Variants in CCT4 observed in about 807,000 individuals in gnomAD.
The protein encoded by CCT4 is T-complex protein 1 subunit delta.
A neutral mutation model predicts 62.5 loss-of-function variants in CCT4; 17 were observed. The observed-to-expected ratio is 0.27, with a 90% CI of 0.19 to 0.41. The LOEUF (loss-of-function observed/expected upper bound fraction) is 0.41, where lower values mean the gene tolerates loss of function less well. Ranked by LOEUF, CCT4 falls within the 10% of genes least tolerant of loss-of-function variation. The probability of loss-of-function intolerance (pLI) is 1.00; values close to 1 mark genes in which losing one functional copy is unlikely to be tolerated. For synonymous variants in CCT4, 250 were observed against 229.9 expected (o/e 1.09, Z -0.79); for missense variants, 592 against 659.2 (o/e 0.90, Z 1.12).
At chr2:61,872,674 AC>A in intron 10 of CCT4, 86 bp from the exon 11 acceptor site, 1 of 1,384,716 alleles carries the variant, frequency 7.2e-7, no homozygotes, top group Non-Finnish European at 1.0e-6. Context: ...ACGCCTGTAA[AC>A]CCAACACTTT....
At chr2:61,876,291 A>C (rs550615026) in intron 7 of CCT4, 57 bp from the exon 8 acceptor site, 18 of 1,384,924 alleles carry the variant, frequency 1.3e-5, no homozygotes, top group Non-Finnish European at 1.8e-5. Context: ...GTTTAAAAGT[A>C]GAATTTTAAG....
At chr2:61,869,698 C>T in intron 12 of CCT4, 145 bp from the exon 13 acceptor site, 1 of 595,036 alleles carries the variant, frequency 1.7e-6, no homozygotes, top group Non-Finnish European at 3.1e-6. Context: ...CTAAGCTTTT[C>T]TCTACACTGT....
intron 2 of CCT4, among the ~76,000 whole-genome samples, chr2:61,884,182 T>C (rs774454064): frequency 1.3e-5 from 2 of 152,200 alleles, no homozygotes; most frequent in South Asian, 2.1e-4. Context: ...ATAATAGATA[T>C]CTATATTTGG....
chr2:61,870,320 C>A (rs111540076), intron 12 of CCT4, among the ~76,000 whole-genome samples: 1 of 152,104 alleles, frequency 6.6e-6, no homozygotes, highest in African/African-American at 2.4e-5. Flanking sequence ...ATGTTTAAAT[C>A]ATCTCTGAAT....
chr2:61,883,143 G>T (rs1335753969), intron 3 of CCT4, among the ~76,000 whole-genome samples: 1 of 152,082 alleles, frequency 6.6e-6, no homozygotes, highest in East Asian at 1.9e-4. Context: ...GACTCATCTG[G>T]CCGGGCGCAG....
rs528619072 is a variant in CCT4, at chr2:61,878,947, C to G, written c.444G>C (p.Leu148Phe). Residue 148 changes from leucine to phenylalanine, a missense_variant, in exon 5 of 14, where the codon TTG becomes TTC. Coordinates refer to ENST00000394440, the MANE Select transcript of CCT4 (RefSeq NM_006430.4). ...GTTCCACAGGTCGAGACATGTCAGT[C>G]AAGATTTCAATGCCCTTTTCCAGGG... ...QKALEKGIEI[L>F]TDMSRPVELS... The G allele has an allele frequency of 1.2e-6, 2 of 1,611,110 alleles. No homozygotes were observed. Among genetic ancestry groups the G allele is most frequent in the Non-Finnish European group, 1.7e-6 (2 of 1,178,164 alleles).
chr2:61,883,145 C>T (rs967112002), intron 3 of CCT4, among the ~76,000 whole-genome samples: 3 of 151,992 alleles, frequency 2.0e-5, no homozygotes, highest in Non-Finnish European at 1.5e-5. Flanking sequence ...CTCATCTGGC[C>T]GGGCGCAGTA....
chr2:61,876,444 C>T lies in CCT4; in HGVS notation c.778-210G>A, dbSNP rs1572919011. ...TTCAACTAAGTACACTGGTATCTTA[C>T]ATTTTGCAAGTAAATTTTTTATAAC... On this transcript the variant is annotated intron_variant, in intron 7 of 13. Transcript: ENST00000394440. 3.3e-5 allele frequency among the ~76,000 whole-genome samples: 5 copies of T among 152,248 alleles called. No individual in the cohort carries two copies. In the South Asian group the frequency reaches 1.0e-3, roughly 32 times the overall value.
At chr2:61,879,438 T>C (rs34788015) in intron 4 of CCT4, among the ~76,000 whole-genome samples, 1 of 126,224 alleles carries the variant, frequency 7.9e-6, no homozygotes, top group Non-Finnish European at 1.7e-5. Context: ...ATTTTTTTTG[T>C]ATTTTTTTTT....
intron 1 of CCT4, chr2:61,885,763 C>CTTCCTTCAGATGTCAAAATGGTACA (rs56289323): frequency 0.16 from 24,493 of 151,764 alleles, 2,550 homozygotes; most frequent in Middle Eastern, 0.28. Context: ...TTCATCTCAT[C>CTTCCTTCAGATGTCAAAATGGTACA]TTCCTTCAGA....
At chr2:61,888,187 A>G in intron 1 of CCT4, 194 bp downstream of exon 1, 1 of 625,598 alleles carries the variant, frequency 1.6e-6, no homozygotes, top group Non-Finnish European at 2.7e-6. Flanking sequence ...GCAAGTCCAA[A>G]GGCCTCCATA....
intron 1 of CCT4, among the ~76,000 whole-genome samples, chr2:61,887,051 G>A (rs916651735): frequency 2.6e-5 from 4 of 152,072 alleles, no homozygotes; most frequent in African/African-American, 9.7e-5. Flanking sequence ...GAGCCACCCT[G>A]CCCGACCCAA....
At chr2:61,884,990 TTAG>T (rs759058589) in intron 2 of CCT4, 27 bp downstream of exon 2, 3 of 1,531,212 alleles carry the variant, frequency 2.0e-6, no homozygotes, top group East Asian at 2.4e-5. Context: ...CAGTGCTCAA[TTAG>T]TAGTATTCAA....
At chr2:61,888,310 C>T (rs935943193) in intron 1 of CCT4, 71 bp downstream of exon 1, 39 of 1,543,888 alleles carry the variant, frequency 2.5e-5, no homozygotes, top group Non-Finnish European at 3.1e-5. Flanking sequence ...TGAGCCAAAC[C>T]CGCTCAAGCC....
At chr2:61,869,262 A>AG (rs532733341) in intron 13 of CCT4, among the ~76,000 whole-genome samples, 178 bp downstream of exon 13, 48 of 151,604 alleles carry the variant, frequency 3.2e-4, no homozygotes, top group African/African-American at 1.1e-3. Flanking sequence ...CTTGAACCCC[A>AG]GAGGCAGAGG....
rs1365516947 is a variant in CCT4, at chr2:61,880,356, T to C, written c.309A>G (p.Gly103=). Residue 103 remains glycine, a synonymous_variant, in exon 4 of 14, where the codon GGA becomes GGG. Coordinates refer to ENST00000394440, the MANE Select transcript of CCT4 (RefSeq NM_006430.4). ...ELSKAQDIEA[G]DGTTSVVIIA... is the part of the protein sequence containing the mutation. ...TGATGACTACTGATGTGGTGCCATC[T>C]CCTGCTTCTATATCTTGAGCCTTAG... 6.2e-7 allele frequency: 1 copy of C among 1,607,076 alleles called. No homozygotes were observed. The highest frequency in any genetic ancestry group is 8.5e-7 in the Non-Finnish European group (1 of 1,178,012).
intron 3 of CCT4, among the ~76,000 whole-genome samples, chr2:61,881,349 T>C (rs1669106672): frequency 6.6e-6 from 1 of 152,136 alleles, no homozygotes; most frequent in South Asian, 2.1e-4. Flanking sequence ...GTCGAACTCC[T>C]GACCTCAGGT....
chr2:61,880,831 G>A (rs924712915), intron 3 of CCT4, among the ~76,000 whole-genome samples: 2 of 151,824 alleles, frequency 1.3e-5, no homozygotes, highest in South Asian at 2.1e-4. Flanking sequence ...TCAGTCTCCC[G>A]AGTAGCTGGG....
At chr2:61,885,456 G>A (rs948915349) in intron 1 of CCT4, among the ~76,000 whole-genome samples, 1 of 152,054 alleles carries the variant, frequency 6.6e-6, no homozygotes, top group African/African-American at 2.4e-5. Context: ...CTGTCACAAG[G>A]CTAGAGTGCA....
Sources: allele counts gnomAD v4.1 joint callset (sites outside exome capture counted in the v4.1 genomes callset), GRCh38; gene constraint gnomAD v4.1.1; transcripts MANE v1.5; gene names NCBI Gene and HGNC (gene_info 2026-07-23, HGNC 2026-07-21).